Variants in GPC5 observed in about 807,000 individuals in gnomAD.
GPC5 encodes the protein glypican 5.
Under a neutral mutation model 53.9 loss-of-function variants are expected in GPC5, and 47 were observed. The observed-to-expected ratio is 0.87, with a 90% CI of 0.69 to 1.11. The LOEUF is 1.11. Among genes scored for constraint, GPC5 ranks in the 50% most tolerant of loss-of-function variants. The pLI, the probability that GPC5 is intolerant of heterozygous loss-of-function variation, is 0.00. For synonymous variants in GPC5, 286 were observed against 263.3 expected, an observed-to-expected ratio of 1.09 and a Z score of -0.84; for missense variants, 748 against 713.1, an observed-to-expected ratio of 1.05 and a Z score of -0.56.
intron 7 of GPC5, among the ~76,000 whole-genome samples, chr13:92,569,174 G>A (rs1189877000): frequency 4.1e-5 from 6 of 145,174 alleles, no homozygotes; most frequent in Non-Finnish European, 6.0e-5. Context: ...GAGAACATGC[G>A]GTGTTTGGTT....
At chr13:92,606,292 G>C (rs1261101225) in intron 7 of GPC5, among the ~76,000 whole-genome samples, 2 of 152,044 alleles carry the variant, frequency 1.3e-5, no homozygotes, top group East Asian at 1.9e-4. Context: ...CTTTGTCCAA[G>C]TGTTCTCATT....
At chr13:92,621,457 C>T (rs1884865456) in intron 7 of GPC5, among the ~76,000 whole-genome samples, 1 of 152,184 alleles carries the variant, frequency 6.6e-6, no homozygotes, top group African/African-American at 2.4e-5. Context: ...AGGCCAACAT[C>T]TAGCCCACAG....
At chr13:92,202,318 G>GT (rs2042301104) in intron 7 of GPC5, among the ~76,000 whole-genome samples, 1 of 152,058 alleles carries the variant, frequency 6.6e-6, no homozygotes, top group Admixed American at 6.6e-5. Flanking sequence ...TATGTTTTGT[G>GT]TTTTTCTTAA....
At chr13:92,189,318 G>A (rs368212604) in intron 7 of GPC5, among the ~76,000 whole-genome samples, 1 of 151,922 alleles carries the variant, frequency 6.6e-6, no homozygotes, top group East Asian at 1.9e-4. Context: ...TGGAGGGAGG[G>A]AAATACCCAA....
intron 1 of GPC5, among the ~76,000 whole-genome samples, chr13:91,432,203 C>CTGCTGCTGCTGCTGCTGCTGTG (rs1555306318): frequency 2.9e-5 from 4 of 136,452 alleles, no homozygotes; most frequent in African/African-American, 1.1e-4. Flanking sequence ...GCTGCTGCTG[C>CTGCTGCTGCTGCTGCTGCTGTG]TGTGTGTGTG....
intron 6 of GPC5, among the ~76,000 whole-genome samples, chr13:92,020,736 C>T (rs1211211349): frequency 6.8e-6 from 1 of 147,850 alleles, no homozygotes; most frequent in Non-Finnish European, 1.5e-5. Flanking sequence ...AAGATTAACT[C>T]CTTAACAAAT....
intron 2 of GPC5, among the ~76,000 whole-genome samples, chr13:91,582,737 GC>G (rs1431559495): frequency 6.6e-6 from 1 of 152,148 alleles, no homozygotes; most frequent in Non-Finnish European, 1.5e-5. Context: ...TATAGGCCAG[GC>G]ACGGTGGTTC....
intron 7 of GPC5, among the ~76,000 whole-genome samples, chr13:92,476,858 C>T (rs1484943401): frequency 2.3e-5 from 3 of 128,768 alleles, no homozygotes; most frequent in Non-Finnish European, 4.7e-5. Flanking sequence ...AACACATGGA[C>T]ACAGGAAGGG....
chr13:91,799,628 C>T (rs1167956326), intron 5 of GPC5, among the ~76,000 whole-genome samples: 7 of 152,086 alleles, frequency 4.6e-5, no homozygotes, highest in South Asian at 2.1e-4. Context: ...CTGGGAATAT[C>T]GTAGAATCTA....
chr13:92,553,056 TAC>T (rs2139018492), intron 7 of GPC5, among the ~76,000 whole-genome samples: 1 of 152,098 alleles, frequency 6.6e-6, no homozygotes, highest in African/African-American at 2.4e-5. Context: ...GGTATCTACA[TAC>T]CTCCTAATCA....
chr13:92,709,090 C>T (rs975105359), intron 7 of GPC5, among the ~76,000 whole-genome samples: 5 of 151,370 alleles, frequency 3.3e-5, no homozygotes, highest in African/African-American at 1.2e-4. Flanking sequence ...TCTTGTTGCC[C>T]AGGCTAGAGT....
intron 7 of GPC5, among the ~76,000 whole-genome samples, chr13:92,613,777 G>A (rs979629990): frequency 6.7e-6 from 1 of 148,386 alleles, no homozygotes; most frequent in Non-Finnish European, 1.5e-5. Context: ...AGGCTCACTT[G>A]AGCACGGAGG....
chr13:92,718,766 C>T (rs538407872), intron 7 of GPC5, among the ~76,000 whole-genome samples: 19 of 151,822 alleles, frequency 1.3e-4, no homozygotes, highest in East Asian at 1.9e-4. Flanking sequence ...CCAGATACTC[C>T]GGAGGCTGAG....
Position 92,178,380 on chromosome 13 carries a change from C to A in GPC5, c.1561+33391C>A, listed in dbSNP as rs2042123205. On this transcript the variant is annotated intron_variant, in intron 7 of 7. Transcript: ENST00000377067. The stretch of plus-strand genomic sequence containing the variant: ...GGTATTTGCCACTTTGGTTAATTTG[C>A]CTATTAGTGCCTTCAACTTGTGGCC... Among the ~76,000 whole-genome samples the A allele has an allele frequency of 2.6e-5, 4 of 151,432 alleles. No individual in the cohort carries two copies. The East Asian group carries it at 7.7e-4, about 29-fold the overall frequency.
At chr13:91,427,733 T>A (rs1879154490) in intron 1 of GPC5, among the ~76,000 whole-genome samples, 1 of 152,016 alleles carries the variant, frequency 6.6e-6, no homozygotes, top group Admixed American at 6.6e-5. Context: ...GAGCCAGGGG[T>A]GGAATTATAT....
At chr13:92,233,043 T>C (rs891312027) in intron 7 of GPC5, among the ~76,000 whole-genome samples, 9 of 152,222 alleles carry the variant, frequency 5.9e-5, no homozygotes, top group African/African-American at 1.9e-4. Flanking sequence ...ATGTAATCTT[T>C]TGGGCTATCT....
At chr13:92,335,524 T>C (rs904957516) in intron 7 of GPC5, among the ~76,000 whole-genome samples, 1 of 152,184 alleles carries the variant, frequency 6.6e-6, no homozygotes. Context: ...TCATTACCTA[T>C]GCAAATTTCT....
chr13:91,963,944 G>A (rs1306613391), intron 6 of GPC5, among the ~76,000 whole-genome samples: 1 of 152,110 alleles, frequency 6.6e-6, no homozygotes, highest in Non-Finnish European at 1.5e-5. Context: ...AACCATTGTG[G>A]AAGACAGTGT....
chr13:92,781,237 A>G (rs1346952022), intron 7 of GPC5, among the ~76,000 whole-genome samples: 1 of 152,136 alleles, frequency 6.6e-6, no homozygotes, highest in East Asian at 1.9e-4. Context: ...GCCTTTAATA[A>G]AAAACTGAAT....
Sources: gnomAD v4.1 joint callset for allele counts (sites outside exome capture counted in the v4.1 genomes callset) on GRCh38, gnomAD v4.1.1 for gene constraint, MANE v1.5 for transcripts, NCBI Gene and HGNC (gene_info 2026-07-23, HGNC 2026-07-21) for gene names.